Variants in RWDD1 observed in about 807,000 individuals in gnomAD.
The protein encoded by RWDD1 is RWD domain containing 1, also known as RWD domain-containing protein 1.
Under a neutral mutation model 31.6 loss-of-function variants are expected in RWDD1, and 17 were observed. The observed-to-expected ratio is 0.54, with a 90% confidence interval of 0.37 to 0.81. The LOEUF is 0.81. Ranked by LOEUF, RWDD1 falls within the 30% of genes least tolerant of loss-of-function variation. The probability of loss-of-function intolerance (pLI) is 0.00; values close to 1 mark genes in which losing one functional copy is unlikely to be tolerated. For missense variants in RWDD1, 204 were observed against 274.5 expected, an observed-to-expected ratio of 0.74 and a Z score of 1.82; for synonymous variants, 78 against 94.2, an observed-to-expected ratio of 0.83 and a Z score of 0.99.
chr6:116,590,419 C>A lies in RWDD1; in HGVS notation c.547+15C>A. On this transcript the variant is annotated intron_variant, in intron 5 of 6. Coordinates refer to ENST00000466444, the MANE Select transcript of RWDD1 (RefSeq NM_015952.4). ...TAAATTAAGTGGTATGATTCCCCTG[C>A]CATTCCTGTTCTTCCTAAACCCTCC... 6.4e-7 allele frequency: 1 copy of A among 1,573,422 alleles called. No homozygotes were observed. The highest frequency in any genetic ancestry group is 1.2e-5 in the South Asian group (1 of 82,602).
intron 5 of RWDD1, 142 bp downstream of exon 5, chr6:116,590,546 A>G: frequency 9.3e-7 from 1 of 1,071,486 alleles, no homozygotes; most frequent in South Asian, 2.0e-5. Context: ...TATCTACCAG[A>G]TGATGTTTCT....
chr6:116,586,300 T>C (rs1391395858), intron 3 of RWDD1, among the ~76,000 whole-genome samples: 1 of 152,172 alleles, frequency 6.6e-6, no homozygotes, highest in African/African-American at 2.4e-5. Context: ...ACCAACTATG[T>C]ATAATTAATT....
Position 116,593,654 on chromosome 6 carries a change from A to T in RWDD1, c.*553A>T, listed in dbSNP as rs756006658. On this transcript the variant is annotated 3_prime_UTR_variant, in exon 7 of 7. Transcript: ENST00000466444. ...AGGAATATCTGAGGCTGGGTAATTTATAAAAGGTTTGCCGGGTGCGGTGGC... is the reference window on the plus strand; with the variant it reads ...AGGAATATCTGAGGCTGGGTAATTTTTAAAAGGTTTGCCGGGTGCGGTGGC... 6.7e-6 allele frequency: 1 copy of T among 149,592 alleles called. No individual in the cohort carries two copies. The highest frequency in any genetic ancestry group is 2.5e-5 in the African/African-American group (1 of 39,578). 9.3% of individuals were successfully genotyped at this position (149,592 alleles called of 1,614,324 possible). A position where few individuals can be genotyped will look rare whatever the true frequency, so the allele number is the denominator to read the frequency against.
At chr6:116,572,377 C>G (rs925002944) in intron 1 of RWDD1, 2 of 152,178 alleles carry the variant, frequency 1.3e-5, no homozygotes, top group African/African-American at 2.4e-5. Context: ...AGGGCTGGTA[C>G]TGAGTTATAC....
intron 1 of RWDD1, among the ~76,000 whole-genome samples, chr6:116,572,140 G>A (rs1213468636): frequency 7.0e-6 from 1 of 142,748 alleles, no homozygotes; most frequent in African/African-American, 2.6e-5. Flanking sequence ...AGTCCCTGAA[G>A]TCTGTCGGGT....
At chr6:116,585,510 T>TAGGG (rs1446722723) in intron 3 of RWDD1, among the ~76,000 whole-genome samples, 1 of 151,960 alleles carries the variant, frequency 6.6e-6, no homozygotes, top group African/African-American at 2.4e-5. Context: ...GAGTAGAGAG[T>TAGGG]AGGGAGGGGG....
chr6:116,584,969 G>A (rs1775013521), intron 3 of RWDD1, 112 bp downstream of exon 3: 1 of 813,066 alleles, frequency 1.2e-6, no homozygotes, highest in Non-Finnish European at 1.9e-6. Flanking sequence ...TTGACCAAGT[G>A]GAATTCATGT....
intron 1 of RWDD1, among the ~76,000 whole-genome samples, chr6:116,578,086 T>G (rs1416214671): frequency 6.6e-6 from 1 of 152,202 alleles, no homozygotes; most frequent in African/African-American, 2.4e-5. Context: ...TCTTTTTAAA[T>G]GATGCTCTAT....
rs889991974 is a variant in RWDD1, at chr6:116,594,200, A to T, written c.*1099A>T. ...GAAGGCATTAATCTATTTATGAGGGATCTACCTGCTATAACCCAAACACCC... is the reference window on the plus strand; with the variant it reads ...GAAGGCATTAATCTATTTATGAGGGTTCTACCTGCTATAACCCAAACACCC... On this transcript the variant is annotated 3_prime_UTR_variant, in exon 7 of 7. Transcript: ENST00000466444. 1.3e-5 allele frequency: 2 copies of T among 150,828 alleles called. No homozygotes were observed. The highest frequency in any genetic ancestry group is 3.0e-5 in the Non-Finnish European group (2 of 67,792). The allele number at this position is 150,828 out of a possible 1,614,324, so 9.3% of individuals were successfully genotyped here. A position where few individuals can be genotyped will look rare whatever the true frequency, so the allele number is the denominator to read the frequency against.
intron 1 of RWDD1, chr6:116,573,909 A>G (rs1229067596): frequency 1.8e-6 from 1 of 566,416 alleles, no homozygotes; most frequent in East Asian, 1.4e-4. Flanking sequence ...GAAGAGACAC[A>G]GTCCAGCCTA....
intron 1 of RWDD1, among the ~76,000 whole-genome samples, chr6:116,578,716 CT>C (rs1194135184): frequency 6.6e-5 from 10 of 152,078 alleles, no homozygotes; most frequent in Non-Finnish European, 1.3e-4. Flanking sequence ...TGGGCTGAAA[CT>C]TTTTTCAGCA....
chr6:116,571,697 A>T (rs759339054), intron 1 of RWDD1, 42 bp downstream of exon 1: 14 of 1,581,036 alleles, frequency 8.9e-6, no homozygotes, highest in South Asian at 3.3e-5. Context: ...CCCGAGGTGG[A>T]GTAGGACGGG....
intron 2 of RWDD1, 127 bp downstream of exon 2, chr6:116,580,487 T>A: frequency 1.9e-6 from 1 of 516,288 alleles, no homozygotes; most frequent in Non-Finnish European, 3.4e-6. Context: ...GCTATGAATG[T>A]TGTATATTTC....
chr6:116,591,458 G>A (rs1408067774), intron 6 of RWDD1, among the ~76,000 whole-genome samples: 1 of 152,164 alleles, frequency 6.6e-6, no homozygotes, highest in Non-Finnish European at 1.5e-5. Flanking sequence ...GGACTGTCAT[G>A]GAGCTTGTAA....
chr6:116,580,539 GA>G (rs1291308959), intron 2 of RWDD1, among the ~76,000 whole-genome samples, 179 bp downstream of exon 2: 1 of 152,114 alleles, frequency 6.6e-6, no homozygotes, highest in East Asian at 1.9e-4. Flanking sequence ...TAGGGAAATA[GA>G]GAGGAAATTA....
Position 116,594,611 on chromosome 6 carries a change from C to T in RWDD1, c.*1510C>T, listed in dbSNP as rs1041621172. ...CTGAAGGAGTTTGAATTTTGGGGAT[C>T]GTACATTGTCTGCAAGAGAAACACA... On this transcript the variant is annotated 3_prime_UTR_variant, in exon 7 of 7. Transcript: ENST00000466444. 3 of 152,162 alleles carry T rather than the reference C, an allele frequency of 2.0e-5. No individual in the cohort carries two copies. Among genetic ancestry groups the T allele is most frequent in the Non-Finnish European group, 4.4e-5 (3 of 68,032 alleles). 9.4% of individuals were successfully genotyped at this position (152,162 alleles called of 1,614,324 possible). A position where few individuals can be genotyped will look rare whatever the true frequency, so the allele number is the denominator to read the frequency against.
chr6:116,597,257 G>A lies in RWDD1; in HGVS notation c.*4156G>A, dbSNP rs1378578903. 6.6e-6 allele frequency: 1 copy of A among 152,190 alleles called. No homozygotes were observed. Among genetic ancestry groups the A allele is most frequent in the Non-Finnish European group, 1.5e-5 (1 of 68,032 alleles). 9.4% of individuals were successfully genotyped at this position (152,190 alleles called of 1,614,324 possible). On this transcript the variant is annotated 3_prime_UTR_variant, in exon 7 of 7. Transcript: ENST00000466444. ...AGAGAGAGAGAAGAGGTTCTACTCA[G>A]TCCACCAAAGCTTTTTAATTTCCTT...
intron 3 of RWDD1, among the ~76,000 whole-genome samples, chr6:116,587,435 ACTT>A (rs1399243906): frequency 6.6e-6 from 1 of 152,122 alleles, no homozygotes; most frequent in Non-Finnish European, 1.5e-5. Context: ...TTCTCCTAGA[ACTT>A]CTAGTCACAC....
intron 5 of RWDD1, 87 bp from the exon 6 acceptor site, chr6:116,590,801 G>A: frequency 6.8e-7 from 1 of 1,470,474 alleles, no homozygotes; most frequent in South Asian, 1.4e-5. Context: ...AGAAAAAGAG[G>A]TTTTCAAATT....
Sources: gnomAD v4.1 joint callset for allele counts (sites outside exome capture counted in the v4.1 genomes callset) on GRCh38, gnomAD v4.1.1 for gene constraint, MANE v1.5 for transcripts, NCBI Gene and HGNC (gene_info 2026-07-23, HGNC 2026-07-21) for gene names.